Variants in MYOF observed in about 807,000 individuals in gnomAD.
The protein encoded by MYOF is fer-1-like 3, myoferlin.
MYOF carries 244 observed loss-of-function variants against 284.2 expected under a neutral mutation model. The observed-to-expected ratio is 0.86, with a 90% confidence interval of 0.77 to 0.95. The LOEUF (loss-of-function observed/expected upper bound fraction) is 0.95. MYOF is among the 40% of genes least tolerant of loss of function. MYOF has a pLI of 0.00. For synonymous variants in MYOF, 904 were observed against 919.7 expected (o/e 0.98, Z 0.31); for missense variants, 2,496 against 2,560.6 (o/e 0.97, Z 0.54).
chr10:93,402,852 T>C lies in MYOF; in HGVS notation c.874+8A>G. On this transcript the variant is annotated splice_region_variant and intron_variant, in intron 10 of 53. Coordinates refer to ENST00000359263, the MANE Select transcript of MYOF (RefSeq NM_013451.4). ...AGACTTCATATTGATGGGGAGAACA[T>C]TACTTACCAGGTTCATCATAAACAA... 6.2e-7 allele frequency: 1 copy of C among 1,609,110 alleles called. No individual in the cohort carries two copies. Among genetic ancestry groups the C allele is most frequent in the Non-Finnish European group, 8.5e-7 (1 of 1,175,642 alleles).
intron 3 of MYOF, among the ~76,000 whole-genome samples, chr10:93,443,250 T>C (rs2056324531): frequency 6.6e-6 from 1 of 152,210 alleles, no homozygotes; most frequent in Non-Finnish European, 1.5e-5. Context: ...TTCTATTGAT[T>C]GTTTTCTACC....
At chr10:93,360,786 G>T (rs113259342) in intron 28 of MYOF, among the ~76,000 whole-genome samples, 75 of 152,284 alleles carry the variant, frequency 4.9e-4, no homozygotes, top group African/African-American at 1.6e-3. Context: ...CGTCAGGGGG[G>T]CCCTGAATGT....
chr10:93,343,823 T>C, intron 38 of MYOF, 33 bp downstream of exon 38: 1 of 1,607,790 alleles, frequency 6.2e-7, no homozygotes. Context: ...AAGATAAAAC[T>C]GACAGCATCC....
chr10:93,374,095 A>G (rs1351812088), intron 23 of MYOF, among the ~76,000 whole-genome samples: 1 of 152,060 alleles, frequency 6.6e-6, no homozygotes, highest in Non-Finnish European at 1.5e-5. Flanking sequence ...CCCACCTATG[A>G]GTGAGAACAT....
chr10:93,351,727 G>A lies in MYOF; in HGVS notation c.3601C>T (p.Pro1201Ser), dbSNP rs1479224677. Reference protein sequence around the residue: ...IFDEVEIYGEPQTVLQNPPKV... With the variant: ...IFDEVEIYGESQTVLQNPPKV... ...GGTGGATTCTGTAGAACTGTTTGGG[G>A]TTCCCCATAGATTTCAACTTCATCG... The change falls in exon 33 of 54, where the codon CCC becomes TCC. Residue 1201 changes from proline (P) to serine (S), a missense_variant. Pro to Ser is a moderately conservative substitution (Grantham distance 74). Transcript: ENST00000359263. 1.3e-6 allele frequency: 2 copies of A among 1,599,494 alleles called. No homozygotes were observed. The highest frequency in any genetic ancestry group is 1.7e-4 in the Middle Eastern group (1 of 6,008).
At chr10:93,333,430 A>G (rs1843431488) in intron 42 of MYOF, 118 bp from the exon 43 acceptor site, 1 of 763,122 alleles carries the variant, frequency 1.3e-6, no homozygotes, top group Non-Finnish European at 2.2e-6. Flanking sequence ...GGTGGCCGCC[A>G]TGGCACCCCG....
At chr10:93,331,236 A>G (rs1442194022) in intron 43 of MYOF, among the ~76,000 whole-genome samples, 1 of 152,124 alleles carries the variant, frequency 6.6e-6, no homozygotes, top group Non-Finnish European at 1.5e-5. Context: ...TTCCTGTTCC[A>G]GAGTCCCCAA....
chr10:93,366,606 A>G (rs1845338068), intron 25 of MYOF, 51 bp from the exon 26 acceptor site: 1 of 1,475,884 alleles, frequency 6.8e-7, no homozygotes, highest in African/African-American at 1.4e-5. Flanking sequence ...AGCAAAAAAT[A>G]AAGCTAGCAC....
rs1249995050 is a variant in MYOF, at chr10:93,349,974, GA to G, written c.3922-6del. ...TCTTAAGCCCCAAGCTAGAATCTAT[GA>G]AAACGATTTAAAGAGAGGGGAAGGT... On this transcript the variant is annotated splice_polypyrimidine_tract_variant and splice_region_variant and intron_variant, in intron 35 of 53. Coordinates refer to ENST00000359263, the MANE Select transcript of MYOF (RefSeq NM_013451.4). 4 of 1,612,748 alleles carry G rather than the reference GA, an allele frequency of 2.5e-6. No individual in the cohort carries two copies. The Admixed American group carries it at 6.7e-5, about 27-fold the overall frequency.
chr10:93,395,333 C>T (rs147352302), intron 16 of MYOF, among the ~76,000 whole-genome samples: 1,545 of 152,308 alleles, frequency 0.01, 29 homozygotes, highest in African/African-American at 0.035. Flanking sequence ...GTCCCAGCTA[C>T]TCGGGAGGCT....
At chr10:93,479,689 T>C (rs1367118796) in intron 1 of MYOF, among the ~76,000 whole-genome samples, 1 of 152,184 alleles carries the variant, frequency 6.6e-6, no homozygotes, top group Admixed American at 6.5e-5. Flanking sequence ...ACCCAGGTGG[T>C]TAAATCAGAT....
chr10:93,438,708 C>T (rs184616684), intron 3 of MYOF, among the ~76,000 whole-genome samples: 9 of 152,084 alleles, frequency 5.9e-5, no homozygotes, highest in African/African-American at 1.9e-4. Flanking sequence ...CAGAAGGCAA[C>T]GCGGGATCTG....
At chr10:93,369,870 T>A (rs1293663440) in intron 24 of MYOF, 94 bp from the exon 25 acceptor site, 11 of 1,471,150 alleles carry the variant, frequency 7.5e-6, no homozygotes, top group Admixed American at 5.7e-5. Context: ...CATCTAATCA[T>A]TGCTTTCACC....
intron 3 of MYOF, among the ~76,000 whole-genome samples, chr10:93,444,813 A>G (rs1189679741): frequency 6.6e-6 from 1 of 152,254 alleles, no homozygotes; most frequent in Non-Finnish European, 1.5e-5. Flanking sequence ...CTACATGTAC[A>G]GGTTCTTGAA....
chr10:93,360,423 T>C (rs1845015288), intron 28 of MYOF, among the ~76,000 whole-genome samples: 1 of 152,236 alleles, frequency 6.6e-6, no homozygotes, highest in Non-Finnish European at 1.5e-5. Flanking sequence ...AGTGGGATTA[T>C]AGGGTTACAG....
At chr10:93,406,810 T>A (rs1436524468) in intron 7 of MYOF, among the ~76,000 whole-genome samples, 2 of 151,486 alleles carry the variant, frequency 1.3e-5, no homozygotes, top group Non-Finnish European at 2.9e-5. Context: ...AAACGCGGCA[T>A]AGAAGAAATC....
chr10:93,423,600 A>G (rs1419303855), intron 5 of MYOF, among the ~76,000 whole-genome samples: 1 of 150,542 alleles, frequency 6.6e-6, no homozygotes, highest in Middle Eastern at 3.2e-3. Flanking sequence ...TTGGGAGGCC[A>G]AGGTGGGTGG....
intron 3 of MYOF, among the ~76,000 whole-genome samples, chr10:93,447,557 G>A (rs1021904909): frequency 1.8e-4 from 19 of 108,340 alleles, no homozygotes; most frequent in Admixed American, 1.4e-3. Flanking sequence ...TGTAAAAATT[G>A]CTTCAGCTAA....
At chr10:93,420,414 G>C (rs866467580) in intron 5 of MYOF, among the ~76,000 whole-genome samples, 38 of 152,178 alleles carry the variant, frequency 2.5e-4, no homozygotes, top group African/African-American at 8.9e-4. Context: ...AGTCTTCCAG[G>C]GGGGTCAGTG....
Sources: gnomAD v4.1 joint callset for allele counts (sites outside exome capture counted in the v4.1 genomes callset) on GRCh38, gnomAD v4.1.1 for gene constraint, MANE v1.5 for transcripts, NCBI Gene and HGNC (gene_info 2026-07-23, HGNC 2026-07-21) for gene names.